The following CDH13 variants were observed in gnomAD, a reference collection of about 807,000 sequenced individuals.
The protein encoded by CDH13 is cadherin 13.
A neutral mutation model predicts 63.8 loss-of-function variants in CDH13; 24 were observed. That is an observed-to-expected ratio of 0.38 (90% CI 0.27 to 0.53). The LOEUF (loss-of-function observed/expected upper bound fraction) is 0.53, where lower values mean the gene tolerates loss of function less well. CDH13 is among the 20% of genes least tolerant of loss of function. The pLI, the probability that CDH13 is intolerant of heterozygous loss-of-function variation, is 0.85. For synonymous variants in CDH13, 503 were observed against 355.3 expected (o/e 1.42, Z -4.67); for missense variants, 1,049 against 903.1 (o/e 1.16, Z -2.07).
intron 3 of CDH13, among the ~76,000 whole-genome samples, chr16:83,094,936 C>G (rs749186736): frequency 1.3e-5 from 2 of 152,096 alleles, no homozygotes; most frequent in Admixed American, 6.6e-5. Context: ...TGATGATGAT[C>G]ATCATCATCC....
intron 2 of CDH13, among the ~76,000 whole-genome samples, chr16:83,009,411 C>G (rs1282242490): frequency 6.6e-6 from 1 of 152,196 alleles, no homozygotes; most frequent in Non-Finnish European, 1.5e-5. Flanking sequence ...TGAAATTACA[C>G]TTGCAACTAT....
chr16:83,069,559 T>A (rs2032283380), intron 3 of CDH13, among the ~76,000 whole-genome samples: 1 of 152,144 alleles, frequency 6.6e-6, no homozygotes, highest in African/African-American at 2.4e-5. Context: ...AAGTCACCTA[T>A]CTAAAAAATG....
intron 7 of CDH13, among the ~76,000 whole-genome samples, chr16:83,589,239 C>T (rs1598337240): frequency 6.9e-6 from 1 of 145,820 alleles, no homozygotes; most frequent in Non-Finnish European, 1.5e-5. Context: ...CCCCATCCCC[C>T]TCCCTCTTCT....
chr16:82,835,430 A>G (rs868867667), intron 1 of CDH13, among the ~76,000 whole-genome samples: 1 of 152,196 alleles, frequency 6.6e-6, no homozygotes, highest in Non-Finnish European at 1.5e-5. Flanking sequence ...AGCTGGAGGG[A>G]CCATATTCCA....
At chr16:83,566,922 T>G (rs998976314) in intron 7 of CDH13, among the ~76,000 whole-genome samples, 2 of 152,154 alleles carry the variant, frequency 1.3e-5, no homozygotes, top group Non-Finnish European at 2.9e-5. Flanking sequence ...ATGCTTTCCT[T>G]ATTCCCACCC....
intron 3 of CDH13, among the ~76,000 whole-genome samples, chr16:83,060,366 A>G (rs1454119663): frequency 1.3e-5 from 2 of 152,208 alleles, no homozygotes; most frequent in African/African-American, 4.8e-5. Context: ...ATTTTTGTAT[A>G]GGAACAAAAC....
At chr16:83,042,947 C>G (rs1180548804) in intron 3 of CDH13, among the ~76,000 whole-genome samples, 1 of 152,190 alleles carries the variant, frequency 6.6e-6, no homozygotes, top group Non-Finnish European at 1.5e-5. Flanking sequence ...CTTCAAAAAA[C>G]CTGTGAAGTA....
intron 1 of CDH13, among the ~76,000 whole-genome samples, chr16:82,728,938 C>G (rs1345305524): frequency 1.3e-5 from 2 of 152,072 alleles, no homozygotes; most frequent in Non-Finnish European, 2.9e-5. Context: ...CAGTATCTTC[C>G]CAAGGAATAG....
chr16:83,247,772 C>T (rs1166806235), intron 5 of CDH13, among the ~76,000 whole-genome samples: 1 of 152,088 alleles, frequency 6.6e-6, no homozygotes, highest in East Asian at 1.9e-4. Flanking sequence ...AGTGGACAAA[C>T]CAATAACACT....
chr16:83,222,074 A>C (rs1395031273), intron 5 of CDH13, among the ~76,000 whole-genome samples: 1 of 152,224 alleles, frequency 6.6e-6, no homozygotes, highest in Non-Finnish European at 1.5e-5. Context: ...GTCTCATCTC[A>C]TCTTCATAAA....
chr16:83,248,224 G>T (rs765659020), intron 5 of CDH13, among the ~76,000 whole-genome samples: 4 of 152,070 alleles, frequency 2.6e-5, no homozygotes, highest in African/African-American at 7.2e-5. Flanking sequence ...GATGAAAAAA[G>T]AGATCAGGAA....
intron 5 of CDH13, among the ~76,000 whole-genome samples, chr16:83,228,114 G>C (rs916522848): frequency 2.0e-5 from 3 of 152,212 alleles, no homozygotes; most frequent in African/African-American, 7.2e-5. Flanking sequence ...GGGCAGGAAT[G>C]AGTGCTGTCC....
intron 7 of CDH13, among the ~76,000 whole-genome samples, chr16:83,578,687 A>G (rs191639325): frequency 5.3e-5 from 8 of 152,352 alleles, no homozygotes; most frequent in Admixed American, 4.6e-4. Flanking sequence ...GACAATGAAC[A>G]TACATAGATG....
chr16:83,146,312 CATT>C (rs2036749221), intron 4 of CDH13, among the ~76,000 whole-genome samples: 1 of 152,154 alleles, frequency 6.6e-6, no homozygotes, highest in African/African-American at 2.4e-5. Context: ...TAGTTGAAGA[CATT>C]ATGTCTAGAT....
intron 1 of CDH13, among the ~76,000 whole-genome samples, chr16:82,723,883 G>T (rs902459628): frequency 2.6e-5 from 4 of 152,082 alleles, no homozygotes; most frequent in Non-Finnish European, 5.9e-5. Flanking sequence ...GGAGTTTTCA[G>T]TCTTACCTGT....
At chr16:83,114,436 C>T (rs942121379) in intron 3 of CDH13, among the ~76,000 whole-genome samples, 6 of 152,322 alleles carry the variant, frequency 3.9e-5, no homozygotes, top group African/African-American at 1.4e-4. Flanking sequence ...TAATTTACAA[C>T]AGCTTATTGG....
intron 3 of CDH13, among the ~76,000 whole-genome samples, chr16:83,052,224 T>G (rs372651843): frequency 6.6e-6 from 1 of 152,226 alleles, no homozygotes; most frequent in East Asian, 1.9e-4. Flanking sequence ...CACCTAATGA[T>G]ACATTATTTT....
intron 5 of CDH13, among the ~76,000 whole-genome samples, chr16:83,267,503 G>T (rs761481285): frequency 6.6e-6 from 1 of 152,306 alleles, no homozygotes; most frequent in South Asian, 2.1e-4. Context: ...AATTGCCACT[G>T]TGATGATATT....
At chr16:82,642,117 T>C (rs1021810577) in intron 1 of CDH13, among the ~76,000 whole-genome samples, 1 of 136,172 alleles carries the variant, frequency 7.3e-6, no homozygotes, top group Non-Finnish European at 1.6e-5. Flanking sequence ...AAAAAAGTGG[T>C]GCTTGGCAAA....
Sources: allele counts gnomAD v4.1 joint callset (sites outside exome capture counted in the v4.1 genomes callset), GRCh38; gene constraint gnomAD v4.1.1; transcripts MANE v1.5; gene names NCBI Gene and HGNC (gene_info 2026-07-23, HGNC 2026-07-21).